Variants in SLC14A2 observed in about 807,000 individuals in gnomAD.
SLC14A2 encodes solute carrier family 14 member 2.
SLC14A2 carries 91 observed loss-of-function variants against 104.6 expected under a neutral mutation model. That is an observed-to-expected ratio of 0.87 (90% CI 0.73 to 1.04). The LOEUF (loss-of-function observed/expected upper bound fraction) is 1.04. Ranked by LOEUF, SLC14A2 falls within the 50% of genes least tolerant of loss-of-function variation. The pLI is 0.00. For missense variants in SLC14A2, 1,189 were observed against 1,156.0 expected (o/e 1.03, Z -0.41); for synonymous variants, 476 against 466.4 (o/e 1.02, Z -0.27).
intron 1 of SLC14A2, among the ~76,000 whole-genome samples, chr18:45,256,675 G>A (rs2084481926): frequency 2.0e-5 from 3 of 152,238 alleles, no homozygotes; most frequent in Admixed American, 1.3e-4. Context: ...CATTAAGACA[G>A]ATTCTGGAAG....
chr18:45,386,867 G>A (rs911507031), intron 1 of SLC14A2, among the ~76,000 whole-genome samples: 13 of 152,204 alleles, frequency 8.5e-5, no homozygotes, highest in Non-Finnish European at 1.3e-4. Context: ...GATGATTTGT[G>A]TAAACCACTT....
chr18:45,286,493 G>T (rs931731759), intron 1 of SLC14A2, among the ~76,000 whole-genome samples: 17 of 152,090 alleles, frequency 1.1e-4, no homozygotes, highest in Non-Finnish European at 2.5e-4. Flanking sequence ...CAAGAATGTT[G>T]GTGATGGATA....
chr18:45,228,980 A>G (rs62092152), intron 1 of SLC14A2, among the ~76,000 whole-genome samples: 17,199 of 152,180 alleles, frequency 0.11, 989 homozygotes, highest in Non-Finnish European at 0.12. Flanking sequence ...AACCATTGCC[A>G]TCTGTCGCAG....
chr18:45,339,977 A>G (rs553734856), intron 1 of SLC14A2, among the ~76,000 whole-genome samples: 6 of 152,352 alleles, frequency 3.9e-5, no homozygotes, highest in Admixed American at 3.3e-4. Context: ...AGCTGATGAA[A>G]CTGCATTTGA....
chr18:45,592,427 G>C (rs1407019176), intron 2 of SLC14A2, among the ~76,000 whole-genome samples: 1 of 152,102 alleles, frequency 6.6e-6, no homozygotes, highest in Non-Finnish European at 1.5e-5. Flanking sequence ...CCTGGAGGTT[G>C]AGTGCCATAA....
At chr18:45,429,548 A>C (rs8091270) in intron 1 of SLC14A2, among the ~76,000 whole-genome samples, 1 of 152,002 alleles carries the variant, frequency 6.6e-6, no homozygotes, top group Non-Finnish European at 1.5e-5. Flanking sequence ...TTGTCAAATA[A>C]CTGTGATATG....
At chr18:45,413,261 G>A (rs1387382551) in intron 1 of SLC14A2, among the ~76,000 whole-genome samples, 1 of 152,148 alleles carries the variant, frequency 6.6e-6, no homozygotes, top group Non-Finnish European at 1.5e-5. Context: ...ATTTGTTGCG[G>A]AGAATCTCCT....
upstream of SLC14A2, among the ~76,000 whole-genome samples, chr18:45,209,349 AAACAAC>A (rs201890560): frequency 3.3e-5 from 5 of 151,228 alleles, no homozygotes; most frequent in South Asian, 2.1e-4. Context: ...TCTCAAAACA[AAACAAC>A]AACAACAACA....
chr18:45,324,685 G>C (rs941364498), intron 1 of SLC14A2, among the ~76,000 whole-genome samples: 35 of 152,130 alleles, frequency 2.3e-4, no homozygotes, highest in African/African-American at 8.2e-4. Context: ...TGTGAAATTT[G>C]TTTTTAAATG....
At chr18:45,244,027 G>A (rs771390372) in intron 1 of SLC14A2, among the ~76,000 whole-genome samples, 1 of 152,100 alleles carries the variant, frequency 6.6e-6, no homozygotes, top group Non-Finnish European at 1.5e-5. Context: ...TTCCTGGCCA[G>A]CGTACTCATT....
chr18:45,456,235 A>C (rs1017680378), intron 1 of SLC14A2, among the ~76,000 whole-genome samples: 3 of 152,148 alleles, frequency 2.0e-5, no homozygotes, highest in African/African-American at 7.2e-5. Flanking sequence ...AGGGCTAGGC[A>C]GAGGAAGAGG....
At chr18:45,660,933 C>T (rs1365179064) in intron 10 of SLC14A2, among the ~76,000 whole-genome samples, 1 of 152,224 alleles carries the variant, frequency 6.6e-6, no homozygotes, top group Non-Finnish European at 1.5e-5. Flanking sequence ...CATCTGTTCC[C>T]CTCTTCCATT....
At chr18:45,198,953 C>T in the SLC14A2 span, among the ~76,000 whole-genome samples, 2 of 152,080 alleles carry the variant, frequency 1.3e-5, no homozygotes, top group Non-Finnish European at 2.9e-5. Context: ...TCTTGATTCC[C>T]ACTTCTTCTG....
chr18:45,483,445 C>G (rs867013787), intron 2 of SLC14A2: 46 of 152,304 alleles, frequency 3.0e-4, no homozygotes, highest in African/African-American at 1.1e-3. Flanking sequence ...CACACGGGAG[C>G]TGTGATGAGA....
At chr18:45,308,102 A>G (rs762042161) in intron 1 of SLC14A2, among the ~76,000 whole-genome samples, 5 of 152,176 alleles carry the variant, frequency 3.3e-5, no homozygotes, top group Non-Finnish European at 5.9e-5. Context: ...GGAGGGCACC[A>G]AGCCATTCAT....
chr18:45,636,114 C>G (rs966938899), intron 5 of SLC14A2, among the ~76,000 whole-genome samples: 7 of 152,188 alleles, frequency 4.6e-5, no homozygotes, highest in Non-Finnish European at 1.0e-4. Context: ...CTTGTCTCAG[C>G]AAGTCGGAGA....
intron 3 of SLC14A2, among the ~76,000 whole-genome samples, chr18:45,626,385 T>C (rs2045257678): frequency 6.6e-6 from 1 of 152,160 alleles, no homozygotes; most frequent in Admixed American, 6.5e-5. Flanking sequence ...CCTGCACCAG[T>C]TGTCATGGAA....
In SLC14A2 at chr18:45,251,676, A is replaced by T. The variant is rs181094773; in HGVS notation, c.-125+38485A>T. Among the ~76,000 whole-genome samples, 3 of 152,306 alleles carry T rather than the reference A, an allele frequency of 2.0e-5. No homozygotes were observed. In the East Asian group the frequency reaches 5.8e-4, roughly 29 times the overall value. On this transcript the variant is annotated intron_variant, in intron 1 of 20. Coordinates refer to the SLC14A2 transcript ENST00000586448. Reference sequence around the variant, plus strand: ...TCACGTGGCCTTCCCTCTGTAAGGTATGTATCTGTGTCCTAATTTCCTCCT... The same window carrying T: ...TCACGTGGCCTTCCCTCTGTAAGGTTTGTATCTGTGTCCTAATTTCCTCCT...
chr18:45,428,493 A>G (rs1171803116), intron 1 of SLC14A2, among the ~76,000 whole-genome samples: 4 of 152,178 alleles, frequency 2.6e-5, no homozygotes, highest in African/African-American at 9.6e-5. Flanking sequence ...ATGAACATAA[A>G]GCAGACAGCA....
Sources: gnomAD v4.1 joint callset for allele counts (sites outside exome capture counted in the v4.1 genomes callset) on GRCh38, gnomAD v4.1.1 for gene constraint, MANE v1.5 for transcripts, NCBI Gene and HGNC (gene_info 2026-07-23, HGNC 2026-07-21) for gene names.